The following HOXB3 variants were observed in gnomAD, a reference collection of about 807,000 sequenced individuals.
HOXB3 encodes the protein homeobox protein Hox-B3.
In HOXB3, 17 loss-of-function variants were observed where a neutral mutation model predicts 29.2. The observed-to-expected ratio is 0.58, with a 90% confidence interval of 0.40 to 0.87. HOXB3 has a LOEUF of 0.87. Ranked by LOEUF, HOXB3 falls within the 40% of genes least tolerant of loss-of-function variation. HOXB3 has a pLI of 0.00. For synonymous variants in HOXB3, 317 were observed against 285.9 expected, an observed-to-expected ratio of 1.11 and a Z score of -1.10; for missense variants, 637 against 616.3, an observed-to-expected ratio of 1.03 and a Z score of -0.35.
At position 48,552,110 on chromosome 17, in the gene HOXB3, T is replaced by C. The variant is rs751576256; in HGVS notation, c.365A>G (p.Asn122Ser). Residue 122 changes from asparagine (N) to serine (S), a missense_variant, in exon 4 of 5, where the codon AAC becomes AGC. Coordinates refer to ENST00000498678, the MANE Select transcript of HOXB3 (RefSeq NM_001384749.1). The stretch of plus-strand genomic sequence containing the variant: ...GAATATCTGTTTGGTGAGGGTGGAG[T>C]TGGTGCCGGGACCGCACTTTGGGGG... ...SGPPKCGPGT[N>S]STLTKQIFPW... 6.2e-7 allele frequency: 1 copy of C among 1,613,404 alleles called. No homozygotes were observed. Among genetic ancestry groups the C allele is most frequent in the South Asian group, 1.1e-5 (1 of 90,984 alleles).
At chr17:48,570,736 G>A (rs566355730) in intron 2 of HOXB3, among the ~76,000 whole-genome samples, 1 of 152,348 alleles carries the variant, frequency 6.6e-6, no homozygotes, top group African/African-American at 2.4e-5. Flanking sequence ...TGGGGTGGGG[G>A]CGCCGGCCAG....
intron 1 of HOXB3, chr17:48,580,152 C>CGA: frequency 3.7e-6 from 1 of 270,630 alleles, no homozygotes; most frequent in Non-Finnish European, 7.3e-6. Context: ...CGCAAAGGGA[C>CGA]GAGAACCTTG....
At position 48,582,350 on chromosome 17, in the gene HOXB3, C is replaced by G. The variant is rs1216510724; in HGVS notation, c.-425+7775G>C. 9.2e-5 allele frequency: 14 copies of G among 152,460 alleles called. No homozygotes were observed. In the East Asian group the frequency reaches 2.7e-3, roughly 29 times the overall value. 9.4% of individuals were successfully genotyped at this position (152,460 alleles called of 1,614,324 possible). On this transcript the variant is annotated intron_variant, in intron 1 of 4. Transcript: ENST00000498678. ...CGCCCGCGGACGCGCCGGGCAACAG[C>G]TGAGCTCTCTCCTGTCCACTATTGT...
chr17:48,551,546 C>T (rs1172906878), intron 4 of HOXB3, among the ~76,000 whole-genome samples: 2 of 152,226 alleles, frequency 1.3e-5, no homozygotes, highest in Non-Finnish European at 2.9e-5. Context: ...TTTCCCCTCC[C>T]CGCCCACCCC....
rs541645201 is a variant in HOXB3 at position 48,551,191 on chromosome 17, A to AG, written c.449-11dup. The AG allele has an allele frequency of 0.056, 71,742 of 1,276,580 alleles. 2,194 individuals carry two copies. Among genetic ancestry groups the AG allele is most frequent in the South Asian group, 0.064 (2,191 of 34,146 alleles). 79.1% of individuals were successfully genotyped at this position (1,276,580 alleles called of 1,614,324 possible). On this transcript the variant is annotated splice_polypyrimidine_tract_variant and intron_variant, in intron 4 of 4. Coordinates refer to ENST00000498678, the MANE Select transcript of HOXB3 (RefSeq NM_001384749.1). Reference sequence around the variant, plus strand: ...CCACCACAGCCCTCTGCTGGATCCGAGGGGGAGGGGTGGGAAGGGGAGAAA... The same window carrying AG: ...CCACCACAGCCCTCTGCTGGATCCGAGGGGGGAGGGGTGGGAAGGGGAGAAA...
chr17:48,554,827 G>C lies in HOXB3; in HGVS notation c.-159+704C>G. 1.4e-6 allele frequency: 1 copy of C among 702,362 alleles called. No homozygotes were observed. Among genetic ancestry groups the C allele is most frequent in the Non-Finnish European group, 2.6e-6 (1 of 384,822 alleles). The allele number at this position is 702,362 out of a possible 1,614,324, so 43.5% of individuals were successfully genotyped here. Reference sequence around the variant, plus strand: ...CTTTGCTCAGCAGGGCTCCGGGTTGGAGGGCGCCGAGGCCTGGCGGACGGG... The same window carrying C: ...CTTTGCTCAGCAGGGCTCCGGGTTGCAGGGCGCCGAGGCCTGGCGGACGGG... On this transcript the variant is annotated intron_variant, in intron 3 of 4. Coordinates refer to ENST00000498678, the MANE Select transcript of HOXB3 (RefSeq NM_001384749.1). The surrounding 1 kb of genome is among the most constrained non-coding windows in gnomAD (Gnocchi z 4.1).
intron 4 of HOXB3, 127 bp downstream of exon 4, chr17:48,551,900 G>A: frequency 1.2e-6 from 1 of 850,160 alleles, no homozygotes; most frequent in East Asian, 2.5e-5. Context: ...TATCAAAAAT[G>A]TACCCGCTGG....
intron 1 of HOXB3, chr17:48,581,372 T>C (rs971100461): frequency 2.6e-5 from 4 of 152,034 alleles, no homozygotes; most frequent in African/African-American, 7.2e-5. Context: ...CAAGAGAGGG[T>C]CCAATAGGTA....
At chr17:48,551,999 G>A (rs1171097337) in intron 4 of HOXB3, 28 bp downstream of exon 4, 9 of 1,528,328 alleles carry the variant, frequency 5.9e-6, no homozygotes, top group Non-Finnish European at 7.9e-6. Flanking sequence ...GACAAAAGCT[G>A]AGGACAAGGA....
At chr17:48,583,872 G>A (rs1464505550) in intron 1 of HOXB3, among the ~76,000 whole-genome samples, 1 of 152,190 alleles carries the variant, frequency 6.6e-6, no homozygotes, top group East Asian at 1.9e-4. Context: ...AAAACCCTGG[G>A]TTAAATCTAT....
chr17:48,575,457 G>A (rs1290469033), intron 1 of HOXB3: 6 of 152,130 alleles, frequency 3.9e-5, no homozygotes, highest in African/African-American at 1.4e-4. Context: ...ATATACACTG[G>A]GTGGCATTTG....
intron 1 of HOXB3, among the ~76,000 whole-genome samples, chr17:48,574,683 G>A (rs1422856315): frequency 6.6e-6 from 1 of 152,172 alleles, no homozygotes; most frequent in Non-Finnish European, 1.5e-5. Context: ...CTTCCAAGCA[G>A]TGCTGCACAA....
chr17:48,555,674 C>G lies in HOXB3; in HGVS notation c.-246-56G>C, dbSNP rs1483095038. 7.2e-6 allele frequency: 5 copies of G among 694,592 alleles called. No homozygotes were observed. In the East Asian group the frequency reaches 1.1e-4, roughly 15 times the overall value. 43.0% of individuals were successfully genotyped at this position (694,592 alleles called of 1,614,324 possible). ...TTAAAGCTGCGTCGCCCCCCGCCCC[C>G]CCGCCCCCGCCCCGCAAAGCCACCC... On this transcript the variant is annotated intron_variant, in intron 2 of 4. Transcript: ENST00000498678.
chr17:48,576,913 G>A (rs751342746), intron 1 of HOXB3: 3 of 1,614,132 alleles, frequency 1.9e-6, no homozygotes, highest in African/African-American at 2.7e-5. Context: ...CTCCGGCGCC[G>A]TGTCAGGTAG....
chr17:48,577,154 G>A lies in HOXB3; in HGVS notation c.-424-3140C>T, dbSNP rs2144887138. On this transcript the variant is annotated intron_variant, in intron 1 of 4. Coordinates refer to ENST00000498678, the MANE Select transcript of HOXB3 (RefSeq NM_001384749.1). ...TCTTCTTCCTTCTGAGGGAGAGCGG[G>A]GAAAAACGAAAAGGGAAGAATGCAA... The A allele has an allele frequency of 2.2e-6, 2 of 896,056 alleles. 1 individual carries two copies. The highest frequency in any genetic ancestry group is 3.5e-5 in the South Asian group (2 of 56,344). The allele number at this position is 896,056 out of a possible 1,614,324, so 55.5% of individuals were successfully genotyped here. A position where few individuals can be genotyped will look rare whatever the true frequency, so the allele number is the denominator to read the frequency against.
At chr17:48,571,952 C>A (rs1229060002) in intron 2 of HOXB3, among the ~76,000 whole-genome samples, 1 of 152,228 alleles carries the variant, frequency 6.6e-6, no homozygotes, top group Admixed American at 6.5e-5. Flanking sequence ...CTAGTCTTAA[C>A]TGAAGGGTAA....
rs1360756485 is a variant in HOXB3, at chr17:48,549,975, C to A, written c.*359G>T. ...AGTCCGTTGGTTGGTGATGGCCTAG[C>A]CATCTTGTCTGGTTTTTAAAATGTG... On this transcript the variant is annotated 3_prime_UTR_variant, in exon 5 of 5. Coordinates refer to ENST00000498678, the MANE Select transcript of HOXB3 (RefSeq NM_001384749.1). The A allele has an allele frequency of 4.8e-6, 1 of 209,268 alleles. No individual in the cohort carries two copies. The highest frequency in any genetic ancestry group is 9.3e-5 in the South Asian group (1 of 10,748). The allele number at this position is 209,268 out of a possible 1,614,324, so 13.0% of individuals were successfully genotyped here.
intron 1 of HOXB3, chr17:48,574,918 G>C (rs2069711690): frequency 1.3e-5 from 2 of 152,240 alleles, no homozygotes; most frequent in African/African-American, 4.8e-5. Flanking sequence ...GTCAGAGTTT[G>C]AGCTATGGCA....
chr17:48,550,971 T>A lies in HOXB3; in HGVS notation c.659A>T (p.Glu220Val). The A allele has an allele frequency of 6.2e-7, 1 of 1,613,812 alleles. No individual in the cohort carries two copies. Among genetic ancestry groups the A allele is most frequent in the Non-Finnish European group, 8.5e-7 (1 of 1,179,854 alleles). ...GCTGAGGTTCAGCAGGTTGGCCATC[T>A]CTACACGGCGAGGCCGGCACAGGTA... ...NRYLCRPRRVEMANLLNLSER... is the reference protein window; with the variant it reads ...NRYLCRPRRVVMANLLNLSER... The change falls in exon 5 of 5, where the codon GAG becomes GTG. Residue 220 changes from glutamate (E) to valine (V), a missense_variant. By Grantham distance (121) the Glu-to-Val change is moderately radical. Coordinates refer to ENST00000498678, the MANE Select transcript of HOXB3 (RefSeq NM_001384749.1).
Sources: allele counts gnomAD v4.1 joint callset (sites outside exome capture counted in the v4.1 genomes callset), GRCh38; gene constraint gnomAD v4.1.1; non-coding constraint Gnocchi (gnomAD v3.1); transcripts MANE v1.5; gene names NCBI Gene and HGNC (gene_info 2026-07-23, HGNC 2026-07-21).